The following PPP3CA variants were observed in gnomAD, a reference collection of about 807,000 sequenced individuals.
PPP3CA encodes protein phosphatase 3 catalytic subunit alpha.
In PPP3CA, 14 loss-of-function variants were observed where a neutral mutation model predicts 66.5. The observed-to-expected ratio is 0.21, with a 90% confidence interval of 0.14 to 0.33. The LOEUF (loss-of-function observed/expected upper bound fraction) is 0.33, where lower values mean the gene tolerates loss of function less well. Ranked by LOEUF, PPP3CA falls within the 10% of genes least tolerant of loss-of-function variation. The probability of loss-of-function intolerance (pLI) is 1.00; values close to 1 mark genes in which losing one functional copy is unlikely to be tolerated. For synonymous variants in PPP3CA, 232 were observed against 226.2 expected (o/e 1.03, Z -0.23); for missense variants, 317 against 639.5 (o/e 0.50, Z 5.44).
At chr4:101,065,541 C>T (rs1728644626) in intron 8 of PPP3CA, among the ~76,000 whole-genome samples, 1 of 151,986 alleles carries the variant, frequency 6.6e-6, no homozygotes, top group Non-Finnish European at 1.5e-5. Flanking sequence ...TGTGACTGCC[C>T]TTATGTTACA....
rs980661210 is a variant in PPP3CA at position 101,121,365 on chromosome 4, C to T, written c.260-12287G>A. 9.2e-5 allele frequency among the ~76,000 whole-genome samples: 14 copies of T among 152,148 alleles called. No homozygotes were observed. In the East Asian group the frequency reaches 2.5e-3, roughly 27 times the overall value. On this transcript the variant is annotated intron_variant, in intron 2 of 13. Coordinates refer to ENST00000394854, the MANE Select transcript of PPP3CA (RefSeq NM_000944.5). ...ACTTCATTAAATTTCCAAAATTCTT[C>T]GCATCTTCTATATTCCTTGCTTAAT...
chr4:101,249,163 T>A, intron 1 of PPP3CA, among the ~76,000 whole-genome samples: 1 of 41,250 alleles, frequency 2.4e-5, no homozygotes, highest in African/African-American at 1.4e-4. Context: ...CGAGACTCTG[T>A]CTCAAAAAAA....
intron 2 of PPP3CA, among the ~76,000 whole-genome samples, chr4:101,125,385 G>C (rs376819775): frequency 6.6e-6 from 1 of 152,074 alleles, no homozygotes; most frequent in Non-Finnish European, 1.5e-5. Context: ...CAGCCAGCTC[G>C]ATAACCTAAA....
intron 6 of PPP3CA, 120 bp from the exon 7 acceptor site, chr4:101,083,383 T>C: frequency 1.2e-5 from 11 of 899,676 alleles, no homozygotes; most frequent in South Asian, 1.7e-5. Flanking sequence ...ACATCATTCA[T>C]GAAACAAGCC....
intron 6 of PPP3CA, among the ~76,000 whole-genome samples, chr4:101,088,452 G>C (rs1435896204): frequency 4.0e-5 from 6 of 151,740 alleles, no homozygotes; most frequent in Non-Finnish European, 5.9e-5. Flanking sequence ...TGGTGTGGTG[G>C]TGGGCGCCTG....
At chr4:101,314,335 C>T (rs1020552688) in intron 1 of PPP3CA, among the ~76,000 whole-genome samples, 1 of 151,898 alleles carries the variant, frequency 6.6e-6, no homozygotes, top group Non-Finnish European at 1.5e-5. Context: ...CAGGCCGAGG[C>T]AGGCGGATCA....
At chr4:101,167,660 G>C (rs1049953361) in intron 2 of PPP3CA, among the ~76,000 whole-genome samples, 3 of 152,162 alleles carry the variant, frequency 2.0e-5, no homozygotes, top group Non-Finnish European at 4.4e-5. Flanking sequence ...GGGAAGTGGT[G>C]AGGGTTGGGG....
chr4:101,127,949 C>A lies in PPP3CA; in HGVS notation c.260-18871G>T, dbSNP rs201385224. ...TAAGTAGCAGAGCTGGAATTCAAAC[C>A]AAGGCAGTCTCACTCTGGGGACTGT... On this transcript the variant is annotated intron_variant, in intron 2 of 13. Coordinates refer to ENST00000394854, the MANE Select transcript of PPP3CA (RefSeq NM_000944.5). 3.9e-5 allele frequency among the ~76,000 whole-genome samples: 6 copies of A among 152,240 alleles called. No individual in the cohort carries two copies. The East Asian group carries it at 1.2e-3, about 29-fold the overall frequency.
intron 1 of PPP3CA, among the ~76,000 whole-genome samples, chr4:101,293,076 T>A (rs1728082320): frequency 6.6e-6 from 1 of 152,192 alleles, no homozygotes; most frequent in Non-Finnish European, 1.5e-5. Flanking sequence ...AGAGAATGCA[T>A]GACTGGTGAA....
chr4:101,251,960 T>C (rs1311795075), intron 1 of PPP3CA, among the ~76,000 whole-genome samples: 1 of 152,112 alleles, frequency 6.6e-6, no homozygotes, highest in Non-Finnish European at 1.5e-5. Flanking sequence ...AGTTTTAAAC[T>C]GAGGACCAGA....
intron 1 of PPP3CA, among the ~76,000 whole-genome samples, chr4:101,200,709 G>A (rs973819019): frequency 6.6e-6 from 1 of 152,022 alleles, no homozygotes; most frequent in Non-Finnish European, 1.5e-5. Flanking sequence ...GGCTGCTAAG[G>A]AGTGCTTACA....
intron 1 of PPP3CA, among the ~76,000 whole-genome samples, chr4:101,242,969 A>G (rs1183725004): frequency 6.6e-6 from 1 of 152,132 alleles, no homozygotes; most frequent in African/African-American, 2.4e-5. Context: ...GGTTCTGTAA[A>G]CCACTAATAT....
chr4:101,241,638 AC>A (rs1726313981), intron 1 of PPP3CA, among the ~76,000 whole-genome samples: 1 of 152,104 alleles, frequency 6.6e-6, no homozygotes, highest in African/African-American at 2.4e-5. Context: ...AGAAATATTA[AC>A]CTGACAATAC....
At chr4:101,265,657 A>G (rs139478933) in intron 1 of PPP3CA, among the ~76,000 whole-genome samples, 18 of 152,318 alleles carry the variant, frequency 1.2e-4, no homozygotes, top group African/African-American at 3.8e-4. Flanking sequence ...GAGAAGATGA[A>G]TGAAAGGTAA....
At chr4:101,181,524 T>C (rs1033092693) in intron 2 of PPP3CA, among the ~76,000 whole-genome samples, 3 of 152,118 alleles carry the variant, frequency 2.0e-5, no homozygotes, top group African/African-American at 7.2e-5. Context: ...GAGGTTCCTC[T>C]GTTATGCGAA....
At chr4:101,224,895 T>G (rs1333085533) in intron 1 of PPP3CA, among the ~76,000 whole-genome samples, 1 of 151,730 alleles carries the variant, frequency 6.6e-6, no homozygotes, top group Non-Finnish European at 1.5e-5. Context: ...TTCTATGATC[T>G]TCCTCACTCC....
At chr4:101,230,089 C>T (rs1042924403) in intron 1 of PPP3CA, among the ~76,000 whole-genome samples, 2 of 151,578 alleles carry the variant, frequency 1.3e-5, no homozygotes, top group Non-Finnish European at 3.0e-5. Context: ...CAGTGTGATT[C>T]CATGAGATCT....
At chr4:101,205,047 G>C (rs573963143) in intron 1 of PPP3CA, among the ~76,000 whole-genome samples, 1 of 150,910 alleles carries the variant, frequency 6.6e-6, no homozygotes, top group Non-Finnish European at 1.5e-5. Flanking sequence ...GCAAACTAAA[G>C]AAATGCATGA....
At chr4:101,330,221 G>C (rs995560335) in intron 1 of PPP3CA, 1 of 419,050 alleles carries the variant, frequency 2.4e-6, no homozygotes, top group Non-Finnish European at 4.7e-6. Flanking sequence ...AACTGCATAT[G>C]TGGTAGAAAT....
Sources: allele counts gnomAD v4.1 joint callset (sites outside exome capture counted in the v4.1 genomes callset), GRCh38; gene constraint gnomAD v4.1.1; transcripts MANE v1.5; gene names NCBI Gene and HGNC (gene_info 2026-07-23, HGNC 2026-07-21).